Variants in CSMD1 observed in about 807,000 individuals in gnomAD.
The protein encoded by CSMD1 is CUB and Sushi multiple domains 1, also known as CUB and sushi domain-containing protein 1.
In CSMD1, 213 loss-of-function variants were observed where a neutral mutation model predicts 417.5. That is an observed-to-expected ratio of 0.51 (90% confidence interval 0.46 to 0.57). CSMD1 has a LOEUF of 0.57. CSMD1 is among the 20% of genes least tolerant of loss of function. The pLI, the probability that CSMD1 is intolerant of heterozygous loss-of-function variation, is 0.00. For missense variants in CSMD1, 6,923 were observed against 4,529.7 expected (o/e 1.53, Z -15.17); for synonymous variants, 2,862 against 1,736.8 (o/e 1.65, Z -16.11).
At chr8:4,210,894 T>TTA (rs1800267195) in intron 3 of CSMD1, among the ~76,000 whole-genome samples, 1 of 152,172 alleles carries the variant, frequency 6.6e-6, no homozygotes, top group Non-Finnish European at 1.5e-5. Context: ...AGACCATATT[T>TTA]TCTATAAGAA....
At chr8:3,154,913 T>A (rs994345324) in intron 39 of CSMD1, among the ~76,000 whole-genome samples, 1 of 152,156 alleles carries the variant, frequency 6.6e-6, no homozygotes, top group African/African-American at 2.4e-5. Context: ...TGGAGTAATC[T>A]AAAGCTAACA....
chr8:4,295,882 T>C (rs1339933669), intron 3 of CSMD1, among the ~76,000 whole-genome samples: 1 of 150,858 alleles, frequency 6.6e-6, no homozygotes, highest in Non-Finnish European at 1.5e-5. Flanking sequence ...TACAATGCTC[T>C]TGTCTTTTCT....
At chr8:3,195,513 T>C (rs1041238113) in intron 33 of CSMD1, among the ~76,000 whole-genome samples, 5 of 152,232 alleles carry the variant, frequency 3.3e-5, no homozygotes, top group Non-Finnish European at 7.3e-5. Flanking sequence ...AAACAGTTTG[T>C]GTGATGTTCG....
chr8:3,269,200 G>A (rs946740007), intron 26 of CSMD1, among the ~76,000 whole-genome samples: 5 of 152,234 alleles, frequency 3.3e-5, no homozygotes, highest in Non-Finnish European at 5.9e-5. Context: ...GGGACGGAAA[G>A]CTGAATGCAG....
At chr8:4,686,886 G>A (rs1201968946) in intron 1 of CSMD1, among the ~76,000 whole-genome samples, 1 of 152,208 alleles carries the variant, frequency 6.6e-6, no homozygotes, top group Non-Finnish European at 1.5e-5. Context: ...GATGGCCCAA[G>A]ACCAGACAGA....
At chr8:3,450,394 T>A (rs568242171) in intron 12 of CSMD1, among the ~76,000 whole-genome samples, 2 of 152,082 alleles carry the variant, frequency 1.3e-5, no homozygotes, top group Non-Finnish European at 2.9e-5. Context: ...ATGTGCCATG[T>A]TGGTGTGCTG....
chr8:4,075,822 G>A (rs553090054), intron 3 of CSMD1, among the ~76,000 whole-genome samples: 24 of 152,276 alleles, frequency 1.6e-4, no homozygotes, highest in Non-Finnish European at 3.4e-4. Flanking sequence ...ATGGTTGTCA[G>A]AGTGAAAAAG....
chr8:3,908,620 T>G (rs748777119), intron 5 of CSMD1, among the ~76,000 whole-genome samples: 1 of 151,758 alleles, frequency 6.6e-6, no homozygotes, highest in African/African-American at 2.4e-5. Context: ...GAACATTGCT[T>G]AAAAAAAAAT....
At chr8:3,997,836 G>A (rs191130991) in intron 5 of CSMD1, 67 bp downstream of exon 5, 3 of 1,371,190 alleles carry the variant, frequency 2.2e-6, no homozygotes, top group Admixed American at 2.1e-5. Flanking sequence ...AATTCTTGAA[G>A]CTCGTTGGGG....
intron 21 of CSMD1, among the ~76,000 whole-genome samples, chr8:3,353,415 A>G (rs938487677): frequency 6.6e-6 from 1 of 152,330 alleles, no homozygotes; most frequent in Non-Finnish European, 1.5e-5. Context: ...AATAGCTCGC[A>G]TATCACAAAA....
intron 3 of CSMD1, among the ~76,000 whole-genome samples, chr8:4,399,051 A>G (rs1236908931): frequency 6.6e-6 from 1 of 152,210 alleles, no homozygotes; most frequent in Non-Finnish European, 1.5e-5. Context: ...GTTCTGTAAG[A>G]ATCTCAGTCG....
At chr8:3,831,266 T>C (rs1802361603) in intron 5 of CSMD1, among the ~76,000 whole-genome samples, 1 of 152,296 alleles carries the variant, frequency 6.6e-6, no homozygotes, top group Non-Finnish European at 1.5e-5. Context: ...CTCTTAGTTA[T>C]TCCTGCTCGT....
At chr8:3,733,756 T>C (rs1441285575) in intron 6 of CSMD1, among the ~76,000 whole-genome samples, 1 of 152,162 alleles carries the variant, frequency 6.6e-6, no homozygotes, top group Admixed American at 6.5e-5. Flanking sequence ...GTAACCCTTA[T>C]TTTACTTGTA....
At chr8:4,586,231 T>C (rs1288431652) in intron 2 of CSMD1, among the ~76,000 whole-genome samples, 2 of 152,222 alleles carry the variant, frequency 1.3e-5, no homozygotes, top group Non-Finnish European at 2.9e-5. Flanking sequence ...GGTGACCCTA[T>C]TACACTTCCA....
intron 3 of CSMD1, among the ~76,000 whole-genome samples, chr8:4,083,612 T>C (rs1402999208): frequency 6.6e-6 from 1 of 152,128 alleles, no homozygotes; most frequent in Non-Finnish European, 1.5e-5. Flanking sequence ...ATTTAATTAA[T>C]GGTGCTGGGA....
At chr8:4,807,778 A>G (rs1241767818) in intron 1 of CSMD1, among the ~76,000 whole-genome samples, 1 of 152,190 alleles carries the variant, frequency 6.6e-6, no homozygotes, top group Non-Finnish European at 1.5e-5. Context: ...TATCAGCTCT[A>G]TATCTGACAT....
At chr8:4,206,667 C>A (rs751345117) in intron 3 of CSMD1, among the ~76,000 whole-genome samples, 1 of 152,138 alleles carries the variant, frequency 6.6e-6, no homozygotes, top group Non-Finnish European at 1.5e-5. Flanking sequence ...GTCTTTACAG[C>A]AGCATGATCT....
chr8:2,951,625 T>A (rs1765160484), intron 65 of CSMD1, among the ~76,000 whole-genome samples: 2 of 152,132 alleles, frequency 1.3e-5, no homozygotes, highest in South Asian at 4.2e-4. Context: ...AAGAAATATG[T>A]TTACCTGACC....
chr8:4,534,855 C>G (rs971372776), intron 2 of CSMD1, among the ~76,000 whole-genome samples: 1 of 152,088 alleles, frequency 6.6e-6, no homozygotes, highest in African/African-American at 2.4e-5. Flanking sequence ...CTCCGCCTCC[C>G]GGGTTCATGT....
Sources: allele counts gnomAD v4.1 joint callset (sites outside exome capture counted in the v4.1 genomes callset), GRCh38; gene constraint gnomAD v4.1.1; transcripts MANE v1.5; gene names NCBI Gene and HGNC (gene_info 2026-07-23, HGNC 2026-07-21).